PAH: variants seen among roughly 807,000 people sequenced by gnomAD.
PAH encodes the protein phenylalanine-4-hydroxylase.
In PAH, 64 loss-of-function variants were observed where a neutral mutation model predicts 62.0. The observed-to-expected ratio is 1.03, with a 90% CI of 0.84 to 1.27. The LOEUF is 1.27. PAH is among the 50% of genes most tolerant of loss of function. The pLI, the probability that PAH is intolerant of heterozygous loss-of-function variation, is 0.00. For missense variants in PAH, 579 were observed against 542.8 expected (o/e 1.07, Z -0.66); for synonymous variants, 195 against 196.2 (o/e 0.99, Z 0.05).
At chr12:102,858,455 T>C (rs1875548208) in intron 5 of PAH, among the ~76,000 whole-genome samples, 1 of 152,324 alleles carries the variant, frequency 6.6e-6, no homozygotes, top group African/African-American at 2.4e-5. Flanking sequence ...GGAATTGAAC[T>C]CAGCTCTGCA....
At position 102,843,665 on chromosome 12, in the gene PAH, C is replaced by G. The variant is rs62516142; in HGVS notation, c.1180G>C (p.Asp394His). 1.2e-6 allele frequency: 2 copies of G among 1,613,686 alleles called. No individual in the cohort carries two copies. The highest frequency in any genetic ancestry group is 8.5e-7 in the Non-Finnish European group (1 of 1,179,816). The change falls in exon 11 of 13, where the codon GAT (aspartate) becomes CAT (histidine). Residue 394 changes from aspartate (D) to histidine (H), a missense_variant. Asp to His is a moderately conservative substitution (Grantham distance 81). Coordinates refer to ENST00000553106, the MANE Select transcript of PAH (RefSeq NM_000277.3). Reference protein sequence around the residue: ...PLYYVAESFNDAKEKVRNFAA... With the variant: ...PLYYVAESFNHAKEKVRNFAA... ...CCTCACCTTACTTTCTCCTTGGCAT[C>G]ATTAAAACTCTCTGCCACGTAATAG...
At position 102,840,453 on chromosome 12, in the gene PAH, A is replaced by G. The variant is rs199475696; in HGVS notation, c.1262T>C (p.Ile421Thr). The G allele has an allele frequency of 6.2e-6, 10 of 1,614,090 alleles. No homozygotes were observed. Among genetic ancestry groups the G allele is most frequent in the Non-Finnish European group, 7.6e-6 (9 of 1,179,934 alleles). The change falls in exon 12 of 13, where the codon ATT becomes ACT. Residue 421 changes from isoleucine to threonine, a missense_variant. Transcript: ENST00000553106. ...SVRYDPYTQR[I>T]EVLDNTQQLK... is the part of the protein sequence containing the mutation. ...CTGCTGGGTATTGTCCAAGACCTCA[A>G]TCCTTTGGGTGTATGGGTCGTAGCG...
Position 102,931,985 on chromosome 12 carries a change from G to T in PAH, c.-95-14760C>A, listed in dbSNP as rs369932196. On this transcript the variant is annotated intron_variant, in intron 1 of 3. Transcript: ENST00000546844. ...TGGGGCTTACATTCTAGTGTCTGTT[G>T]AAAGAATAAATGAATGGCGGTGTGT... 5.0e-3 allele frequency among the ~76,000 whole-genome samples: 764 copies of T among 152,290 alleles called. 9 individuals carry two copies. Among genetic ancestry groups the T allele is most frequent in the African/African-American group, 0.017 (722 of 41,552 alleles).
chr12:102,931,436 G>C (rs1029308311), intron 1 of PAH, among the ~76,000 whole-genome samples: 3 of 152,124 alleles, frequency 2.0e-5, no homozygotes, highest in African/African-American at 7.2e-5. Flanking sequence ...ACTGCCTTGA[G>C]GGTTGATGAT....
intron 5 of PAH, among the ~76,000 whole-genome samples, chr12:102,856,858 G>A (rs1875460242): frequency 6.6e-6 from 1 of 152,142 alleles, no homozygotes; most frequent in East Asian, 1.9e-4. Flanking sequence ...AAGACCAAAG[G>A]TAGATAAAAC....
rs1409999378 is a variant in PAH at position 102,839,142 on chromosome 12, T to C, written c.*33A>G. 6.9e-6 allele frequency: 11 copies of C among 1,603,114 alleles called. No homozygotes were observed. Among genetic ancestry groups the C allele is most frequent in the African/African-American group, 1.3e-5 (1 of 74,672 alleles). ...AATAGTTGGATCTCCATCAACAGAT[T>C]CACAGCTGACAGACCACATTCTGTC... On this transcript the variant is annotated 3_prime_UTR_variant, in exon 13 of 13. Transcript: ENST00000553106.
At chr12:102,904,862 G>A in intron 2 of PAH, 1 of 303,506 alleles carries the variant, frequency 3.3e-6, no homozygotes, top group Non-Finnish European at 6.8e-6. Context: ...CTTTTCTTCT[G>A]GCGAATGGCT....
At chr12:102,931,513 C>T (rs1878874545) in intron 1 of PAH, among the ~76,000 whole-genome samples, 1 of 152,210 alleles carries the variant, frequency 6.6e-6, no homozygotes, top group South Asian at 2.1e-4. Context: ...GGTAGAAAAA[C>T]TAGCCAAAGC....
intron 1 of PAH, among the ~76,000 whole-genome samples, chr12:102,928,652 A>G (rs1431633703): frequency 6.6e-6 from 1 of 152,164 alleles, no homozygotes; most frequent in Non-Finnish European, 1.5e-5. Context: ...TTGGAGGCAC[A>G]TATTCTGAGG....
At chr12:102,847,475 A>C (rs1376000987) in intron 8 of PAH, 1 of 170,160 alleles carries the variant, frequency 5.9e-6, no homozygotes, top group Non-Finnish European at 1.3e-5. Flanking sequence ...CTTTTACAGC[A>C]CTTACTGCAG....
rs1040077106 is a variant in PAH, at chr12:102,957,493, G to C, written c.-96+702C>G. ...AGGAGCGGGAGAAAGGAACGGGAGG[G>C]GGGGAGAGGAGAGGAGGAGGGGGAG... On this transcript the variant is annotated intron_variant, in intron 1 of 4. Coordinates refer to the PAH transcript ENST00000551337. The surrounding 1 kb of genome is among the most constrained non-coding windows in gnomAD (Gnocchi z 4.1). Among the ~76,000 whole-genome samples, 8 of 151,710 alleles carry C rather than the reference G, an allele frequency of 5.3e-5. 1 individual carries two copies. Among genetic ancestry groups the C allele is most frequent in the Admixed American group, 2.0e-4 (3 of 15,254 alleles).
intron 5 of PAH, among the ~76,000 whole-genome samples, chr12:102,862,699 C>G (rs1305664762): frequency 6.6e-6 from 1 of 152,178 alleles, no homozygotes. Context: ...GCCTATTTCT[C>G]TAACAGGAAC....
At chr12:102,851,100 A>AAG (rs1555204258) in intron 8 of PAH, among the ~76,000 whole-genome samples, 4 of 151,562 alleles carry the variant, frequency 2.6e-5, no homozygotes, top group Non-Finnish European at 4.4e-5. Context: ...AAAGAAAAAA[A>AAG]AAAGAAAGAA....
At chr12:102,843,561 C>T in intron 11 of PAH, 85 bp downstream of exon 11, 1 of 1,390,194 alleles carries the variant, frequency 7.2e-7, no homozygotes, top group Non-Finnish European at 1.0e-6. Flanking sequence ...CATTGGAGTC[C>T]ACTCTCCTGG....
intron 3 of PAH, among the ~76,000 whole-genome samples, chr12:102,884,719 G>T (rs931028345): frequency 1.3e-5 from 2 of 152,126 alleles, no homozygotes; most frequent in Admixed American, 6.5e-5. Flanking sequence ...GCCACTAGAG[G>T]CCAAGCCAGT....
chr12:102,915,545 T>A (rs1498692), intron 1 of PAH, among the ~76,000 whole-genome samples: 2,662 of 152,286 alleles, frequency 0.017, 74 homozygotes, highest in African/African-American at 0.061. Context: ...CACCAGACAG[T>A]TAGTCAATAG....
intron 1 of PAH, among the ~76,000 whole-genome samples, chr12:102,949,330 G>T (rs997323995): frequency 1.3e-5 from 2 of 152,174 alleles, no homozygotes; most frequent in African/African-American, 4.8e-5. Flanking sequence ...CCTAATGAAG[G>T]TTCTTATGGC....
intron 4 of PAH, among the ~76,000 whole-genome samples, chr12:102,871,774 T>C (rs980449883): frequency 4.6e-5 from 7 of 151,576 alleles, no homozygotes; most frequent in South Asian, 4.2e-4. Context: ...AATACAAAAT[T>C]AGTCAGGCGT....
intron 3 of PAH, among the ~76,000 whole-genome samples, chr12:102,878,735 T>C (rs1258479499): frequency 6.6e-6 from 1 of 151,714 alleles, no homozygotes; most frequent in Non-Finnish European, 1.5e-5. Context: ...AGGGAAGTAA[T>C]GGATTCACCC....
Sources: allele counts gnomAD v4.1 joint callset (sites outside exome capture counted in the v4.1 genomes callset), GRCh38; gene constraint gnomAD v4.1.1; non-coding constraint Gnocchi (gnomAD v3.1); transcripts MANE v1.5; gene names NCBI Gene and HGNC (gene_info 2026-07-23, HGNC 2026-07-21).